Variants in TMEM117 observed in about 807,000 individuals in gnomAD.
The protein encoded by TMEM117 is transmembrane protein 117.
TMEM117 carries 27 observed loss-of-function variants against 52.4 expected under a neutral mutation model. That is an observed-to-expected ratio of 0.51 (90% confidence interval 0.38 to 0.71). The LOEUF is 0.71. Among genes scored for constraint, TMEM117 ranks in the 30% least tolerant of loss-of-function variants. TMEM117 has a pLI of 0.00. For synonymous variants in TMEM117, 215 were observed against 206.3 expected (o/e 1.04, Z -0.36); for missense variants, 556 against 630.5 (o/e 0.88, Z 1.26).
In TMEM117 at chr12:44,091,820, C is replaced by G. The variant is rs1947677169; in HGVS notation, c.411-51705C>G. Among the ~76,000 whole-genome samples, 6 of 152,150 alleles carry G rather than the reference C, an allele frequency of 3.9e-5. 1 individual carries two copies. Among genetic ancestry groups the G allele is most frequent in the Admixed American group, 3.9e-4 (6 of 15,276 alleles). ...TAAAACTGCATGTTTCTAGTTGTTT[C>G]TTTTTTCTGTTAGCCTCGAGAAAAA... On this transcript the variant is annotated intron_variant, in intron 3 of 7. Coordinates refer to ENST00000266534, the MANE Select transcript of TMEM117 (RefSeq NM_032256.3).
At chr12:43,895,942 C>T (rs1944193503) in intron 2 of TMEM117, among the ~76,000 whole-genome samples, 1 of 152,160 alleles carries the variant, frequency 6.6e-6, no homozygotes, top group African/African-American at 2.4e-5. Flanking sequence ...AGCAAATCTG[C>T]AATTTCATTT....
intron 5 of TMEM117, among the ~76,000 whole-genome samples, chr12:44,243,931 T>G (rs528245954): frequency 1.3e-5 from 2 of 152,156 alleles, no homozygotes; most frequent in East Asian, 3.9e-4. Context: ...TTCTCCAGAT[T>G]CATCCATGTT....
chr12:44,067,099 G>A (rs1285116857), intron 3 of TMEM117, among the ~76,000 whole-genome samples: 2 of 151,116 alleles, frequency 1.3e-5, no homozygotes, highest in African/African-American at 4.8e-5. Context: ...CTCATCATCT[G>A]TTAGTTTTAT....
chr12:43,860,462 A>AAATGC (rs1334550219), intron 2 of TMEM117, among the ~76,000 whole-genome samples: 4 of 152,216 alleles, frequency 2.6e-5, no homozygotes, highest in Non-Finnish European at 5.9e-5. Flanking sequence ...AGAGGGTGAT[A>AAATGC]AATGCTGTGG....
At chr12:44,364,086 T>C (rs1951758768) in intron 6 of TMEM117, among the ~76,000 whole-genome samples, 1 of 152,158 alleles carries the variant, frequency 6.6e-6, no homozygotes, top group South Asian at 2.1e-4. Flanking sequence ...GCATATAACA[T>C]TGCAGATATC....
At chr12:44,242,492 A>G (rs1339271265) in intron 5 of TMEM117, among the ~76,000 whole-genome samples, 2 of 151,970 alleles carry the variant, frequency 1.3e-5, no homozygotes, top group South Asian at 2.1e-4. Flanking sequence ...ATGGCTACAT[A>G]GTATTCCATG....
chr12:43,972,533 A>G (rs991481246), intron 3 of TMEM117, among the ~76,000 whole-genome samples: 9 of 151,990 alleles, frequency 5.9e-5, no homozygotes, highest in African/African-American at 1.9e-4. Flanking sequence ...TTATTTCCTT[A>G]TTTGTCCCTG....
At chr12:43,919,537 G>C (rs144023810) in intron 2 of TMEM117, among the ~76,000 whole-genome samples, 51 of 151,988 alleles carry the variant, frequency 3.4e-4, no homozygotes, top group African/African-American at 1.2e-3. Context: ...TCAATTTATC[G>C]TATCAATTTC....
At chr12:44,358,465 G>A (rs1000908957) in intron 6 of TMEM117, among the ~76,000 whole-genome samples, 7 of 152,156 alleles carry the variant, frequency 4.6e-5, no homozygotes, top group Non-Finnish European at 8.8e-5. Flanking sequence ...GTAGTTGTTG[G>A]CTATGCTAAA....
intron 3 of TMEM117, among the ~76,000 whole-genome samples, chr12:44,022,037 G>A (rs1362851208): frequency 1.3e-5 from 2 of 152,248 alleles, no homozygotes; most frequent in Non-Finnish European, 2.9e-5. Context: ...TTCTGCCTTG[G>A]CATGAAGAAA....
intron 5 of TMEM117, among the ~76,000 whole-genome samples, chr12:44,265,521 TAGA>T (rs944166023): frequency 6.6e-5 from 10 of 152,270 alleles, no homozygotes; most frequent in African/African-American, 2.4e-4. Context: ...GAGCTTTGAC[TAGA>T]AGGTGAATAG....
chr12:43,974,610 C>G (rs1030714137), intron 3 of TMEM117, among the ~76,000 whole-genome samples: 3 of 152,022 alleles, frequency 2.0e-5, no homozygotes, highest in African/African-American at 7.2e-5. Context: ...TCTTTATCCT[C>G]TTGTCTAATA....
At chr12:43,885,474 A>T (rs74238365) in intron 2 of TMEM117, among the ~76,000 whole-genome samples, 5 of 75,028 alleles carry the variant, frequency 6.7e-5, no homozygotes, top group South Asian at 4.5e-4. Flanking sequence ...AACTTTTTTT[A>T]AAAAAACAAA....
chr12:44,207,314 T>A (rs1054139514), intron 4 of TMEM117, among the ~76,000 whole-genome samples: 7 of 152,216 alleles, frequency 4.6e-5, no homozygotes, highest in African/African-American at 1.7e-4. Flanking sequence ...TACAACTATA[T>A]CAAATATGAC....
the TMEM117 span, among the ~76,000 whole-genome samples, chr12:43,814,475 C>T: frequency 6.6e-6 from 1 of 152,170 alleles, no homozygotes; most frequent in African/African-American, 2.4e-5. Flanking sequence ...TCCTGGCCCT[C>T]TGTTCTGGGC....
At chr12:43,830,483 G>A in the TMEM117 span, among the ~76,000 whole-genome samples, 8 of 151,822 alleles carry the variant, frequency 5.3e-5, no homozygotes, top group Non-Finnish European at 1.0e-4. Flanking sequence ...GGTGGTGCAC[G>A]CCTGTAATCG....
intron 3 of TMEM117, 65 bp downstream of exon 3, chr12:43,944,407 GT>G: frequency 1.4e-6 from 2 of 1,471,334 alleles, no homozygotes; most frequent in South Asian, 1.3e-5. Context: ...GAATTTAAGA[GT>G]TTTTTAGCTT....
chr12:44,285,756 A>G (rs778273432), intron 5 of TMEM117, among the ~76,000 whole-genome samples: 1 of 152,138 alleles, frequency 6.6e-6, no homozygotes, highest in Non-Finnish European at 1.5e-5. Flanking sequence ...AAACAAGGAA[A>G]ATGAAAAGTG....
intron 2 of TMEM117, among the ~76,000 whole-genome samples, chr12:43,941,259 G>T (rs1402752933): frequency 6.6e-6 from 1 of 152,140 alleles, no homozygotes; most frequent in African/African-American, 2.4e-5. Flanking sequence ...TGGCCTGTAA[G>T]GATTGTTGTC....
Sources: allele counts gnomAD v4.1 joint callset (sites outside exome capture counted in the v4.1 genomes callset), GRCh38; gene constraint gnomAD v4.1.1; transcripts MANE v1.5; gene names NCBI Gene and HGNC (gene_info 2026-07-23, HGNC 2026-07-21).